NDST4: variants seen among roughly 807,000 people sequenced by gnomAD.
NDST4 encodes N-heparan sulfate sulfotransferase 4.
In NDST4, 63 loss-of-function variants were observed where a neutral mutation model predicts 100.8. The observed-to-expected ratio is 0.62, with a 90% CI of 0.51 to 0.77. The LOEUF (loss-of-function observed/expected upper bound fraction) is 0.77. NDST4 is among the 30% of genes least tolerant of loss of function. The probability of loss-of-function intolerance (pLI) is 0.00; values close to 1 mark genes in which losing one functional copy is unlikely to be tolerated. For missense variants in NDST4, 943 were observed against 1,018.4 expected, an observed-to-expected ratio of 0.93 and a Z score of 1.01; for synonymous variants, 377 against 361.8, an observed-to-expected ratio of 1.04 and a Z score of -0.48.
In NDST4 at chr4:114,970,575, T is replaced by C; in HGVS notation, c.1076A>G (p.Glu359Gly). The C allele has an allele frequency of 6.2e-7, 1 of 1,612,402 alleles. No individual in the cohort carries two copies. Among genetic ancestry groups the C allele is most frequent in the Non-Finnish European group, 8.5e-7 (1 of 1,179,096 alleles). The change falls in exon 4 of 14, where the codon GAG becomes GGG. Residue 359 changes from glutamate to glycine, a missense_variant. Glu to Gly is a moderately conservative substitution (Grantham distance 98). Coordinates refer to ENST00000264363, the MANE Select transcript of NDST4 (RefSeq NM_022569.3). ...TAAAAGGTCATCTCCTTCATCTTCC[T>C]CTTCAGTCCCTTTAAAACATAAAGT... ...SGKFYHTGTE[E>G]EDEGDDLLLR...
chr4:115,006,235 C>T (rs1441866338), intron 2 of NDST4, among the ~76,000 whole-genome samples: 1 of 151,750 alleles, frequency 6.6e-6, no homozygotes, highest in Non-Finnish European at 1.5e-5. Flanking sequence ...GAACAGGAGA[C>T]AAAAATAAAG....
chr4:114,941,415 A>T (rs926387431), intron 4 of NDST4, among the ~76,000 whole-genome samples: 1 of 151,580 alleles, frequency 6.6e-6, no homozygotes, highest in African/African-American at 2.4e-5. Context: ...TCTGAACTGG[A>T]TCTCCTGTTC....
intron 2 of NDST4, among the ~76,000 whole-genome samples, chr4:115,053,385 A>C (rs1728625526): frequency 6.6e-6 from 1 of 152,078 alleles, no homozygotes; most frequent in South Asian, 2.1e-4. Context: ...CATTTAAGTA[A>C]TTTTCTGAAA....
intron 2 of NDST4, among the ~76,000 whole-genome samples, chr4:114,980,133 A>G (rs1300156246): frequency 6.6e-6 from 1 of 152,194 alleles, no homozygotes; most frequent in Non-Finnish European, 1.5e-5. Flanking sequence ...TTAGGGCAAA[A>G]ATAATATGGA....
intron 10 of NDST4, among the ~76,000 whole-genome samples, chr4:114,841,939 A>C (rs545351283): frequency 6.6e-6 from 1 of 152,312 alleles, no homozygotes; most frequent in South Asian, 2.1e-4. Context: ...TTTTTATTAA[A>C]TAAATTTTGA....
At chr4:114,955,356 A>C (rs1726114429) in intron 4 of NDST4, among the ~76,000 whole-genome samples, 1 of 152,156 alleles carries the variant, frequency 6.6e-6, no homozygotes. Flanking sequence ...CACTGAAAAC[A>C]TCCAAGTACC....
At chr4:114,892,030 G>A (rs1438240630) in intron 6 of NDST4, among the ~76,000 whole-genome samples, 1 of 151,914 alleles carries the variant, frequency 6.6e-6, no homozygotes, top group African/African-American at 2.4e-5. Context: ...CACTGTTTTG[G>A]GATTTTTGTT....
chr4:114,850,444 T>G (rs1057226279), intron 8 of NDST4, among the ~76,000 whole-genome samples: 1 of 152,152 alleles, frequency 6.6e-6, no homozygotes, highest in Admixed American at 6.6e-5. Flanking sequence ...TGGCTTGATA[T>G]TCATGTAATC....
intron 11 of NDST4, among the ~76,000 whole-genome samples, chr4:114,836,178 C>T (rs1483832887): frequency 2.0e-5 from 3 of 152,074 alleles, no homozygotes; most frequent in African/African-American, 4.8e-5. Flanking sequence ...TTATTTTGTA[C>T]ATTACTTAAT....
At chr4:115,055,575 A>G (rs1728676826) in intron 2 of NDST4, among the ~76,000 whole-genome samples, 1 of 152,160 alleles carries the variant, frequency 6.6e-6, no homozygotes, top group African/African-American at 2.4e-5. Flanking sequence ...CCTGAGTTCA[A>G]GTTGTCATTG....
chr4:114,841,179 T>A (rs1472166363), intron 10 of NDST4, among the ~76,000 whole-genome samples: 1 of 152,134 alleles, frequency 6.6e-6, no homozygotes. Flanking sequence ...TGCAACTAAG[T>A]AGATTAGCAT....
Position 115,076,350 on chromosome 4 carries a change from G to A in NDST4, c.687C>T (p.Thr229=). Residue 229 remains threonine (T), a synonymous_variant, in exon 2 of 14, where the codon ACC becomes ACT. Coordinates refer to ENST00000264363, the MANE Select transcript of NDST4 (RefSeq NM_022569.3). ...DWTIFQYNHS[T]YQPVLLTELQ... Reference sequence around the variant, plus strand: ...ACTCAGTTAAAAGTACAGGCTGGTAGGTTGAATGATTATATTGGAAAATAG... The same window carrying A: ...ACTCAGTTAAAAGTACAGGCTGGTAAGTTGAATGATTATATTGGAAAATAG... 3 of 1,613,982 alleles carry A rather than the reference G, an allele frequency of 1.9e-6. No homozygotes were observed. Among genetic ancestry groups the A allele is most frequent in the South Asian group, 2.2e-5 (2 of 91,084 alleles).
chr4:115,085,105 A>T (rs1011898625), intron 1 of NDST4, among the ~76,000 whole-genome samples: 4 of 152,228 alleles, frequency 2.6e-5, no homozygotes, highest in African/African-American at 9.6e-5. Context: ...CATGACCTGC[A>T]TGTGAGACAT....
intron 2 of NDST4, among the ~76,000 whole-genome samples, chr4:115,040,707 C>G (rs1265007627): frequency 6.6e-6 from 1 of 151,952 alleles, no homozygotes; most frequent in African/African-American, 2.4e-5. Context: ...GTAGCTAAAA[C>G]CAGACCTAGG....
intron 6 of NDST4, among the ~76,000 whole-genome samples, chr4:114,897,102 A>T (rs1724732192): frequency 6.6e-6 from 1 of 152,132 alleles, no homozygotes; most frequent in African/African-American, 2.4e-5. Flanking sequence ...GAGTCCACAG[A>T]TAGTTTACAT....
chr4:115,103,092 A>T (rs1172029535), intron 1 of NDST4, among the ~76,000 whole-genome samples: 2 of 152,104 alleles, frequency 1.3e-5, no homozygotes, highest in African/African-American at 4.8e-5. Context: ...TGATATAACA[A>T]GAGTCTATTA....
intron 2 of NDST4, among the ~76,000 whole-genome samples, chr4:115,063,513 C>A (rs912071582): frequency 6.6e-6 from 1 of 151,802 alleles, no homozygotes; most frequent in African/African-American, 2.4e-5. Context: ...ATGAAAATAG[C>A]AAATTTTTGT....
At chr4:115,109,435 CAT>C (rs1211102891) in intron 1 of NDST4, among the ~76,000 whole-genome samples, 4 of 151,896 alleles carry the variant, frequency 2.6e-5, no homozygotes, top group African/African-American at 9.7e-5. Context: ...ACATAAAACT[CAT>C]GTGTTTATTA....
chr4:114,954,681 TA>T (rs35651844), intron 4 of NDST4, among the ~76,000 whole-genome samples: 1 of 152,200 alleles, frequency 6.6e-6, no homozygotes, highest in African/African-American at 2.4e-5. Flanking sequence ...AATTTGTTCT[TA>T]AAAGTGTATA....
Sources: gnomAD v4.1 joint callset for allele counts (sites outside exome capture counted in the v4.1 genomes callset) on GRCh38, gnomAD v4.1.1 for gene constraint, MANE v1.5 for transcripts, NCBI Gene and HGNC (gene_info 2026-07-23, HGNC 2026-07-21) for gene names.